RP1L1: variants seen among roughly 807,000 people sequenced by gnomAD.
RP1L1 encodes the protein retinitis pigmentosa 1-like 1 protein.
A neutral mutation model predicts 15.7 loss-of-function variants in RP1L1; 27 were observed. The ratio of observed to expected loss-of-function variants is 1.72; its 90% CI spans 1.27 to 2.38. The LOEUF (loss-of-function observed/expected upper bound fraction) is 2.38, where lower values mean the gene tolerates loss of function less well. RP1L1 is among the 30% of genes most tolerant of loss of function. RP1L1 has a pLI of 0.00. For missense variants in RP1L1, 4,798 were observed against 3,075.9 expected, an observed-to-expected ratio of 1.56 and a Z score of -13.24; for synonymous variants, 1,813 against 1,276.7, an observed-to-expected ratio of 1.42 and a Z score of -8.96.
rs867863562 is a variant in RP1L1 at position 10,612,662 on chromosome 8, C to T, written c.1436G>A (p.Gly479Glu). ...SSCCPRTPED[G>E]VDSASPSAQI... ...GGCAGAGGGGCTGGCACTGTCCACC[C>T]CGTCCTCCGGGGTCCTGGGGCAGCA... Residue 479 changes from glycine (G) to glutamate (E), a missense_variant, in exon 4 of 4, where the codon GGG (glycine) becomes GAG (glutamate). Gly to Glu is a moderately conservative substitution (Grantham distance 98, BLOSUM62 -2). Transcript: ENST00000382483. 5 of 1,601,410 alleles carry T rather than the reference C, an allele frequency of 3.1e-6. No individual in the cohort carries two copies. Among genetic ancestry groups the T allele is most frequent in the Non-Finnish European group, 4.2e-6 (5 of 1,178,034 alleles).
intron 1 of RP1L1, among the ~76,000 whole-genome samples, chr8:10,624,621 A>G (rs1798127740): frequency 6.6e-6 from 1 of 151,526 alleles, no homozygotes; most frequent in South Asian, 2.1e-4. Context: ...CTGGGAGGAG[A>G]AGGTTGGAGG....
At chr8:10,643,673 G>C (rs1798437387) in intron 1 of RP1L1, among the ~76,000 whole-genome samples, 1 of 152,026 alleles carries the variant, frequency 6.6e-6, no homozygotes, top group Admixed American at 6.6e-5. Context: ...TTCCTGCCTG[G>C]GAGATGAAAG....
rs1190592357 is a variant in RP1L1, at chr8:10,611,431, C to A, written c.2667G>T (p.Gln889His). The change falls in exon 4 of 4, where the codon CAG (glutamine) becomes CAT (histidine). Residue 889 changes from glutamine (Q) to histidine (H), a missense_variant. Coordinates refer to ENST00000382483, the MANE Select transcript of RP1L1 (RefSeq NM_178857.6). ...STARGPGGSPQEGTRQPGPTP... is the reference protein window; with the variant it reads ...STARGPGGSPHEGTRQPGPTP... ...TGGGGCCTGGCTGGCGTGTCCCCTC[C>A]TGCGGGCTCCCACCTGGCCCCCGGG... 6.3e-7 allele frequency: 1 copy of A among 1,578,506 alleles called. No homozygotes were observed. Among genetic ancestry groups the A allele is most frequent in the Admixed American group, 1.8e-5 (1 of 54,704 alleles).
rs748701232 is a variant in RP1L1 at position 10,609,127 on chromosome 8, A to C, written c.4971T>G (p.Cys1657Trp). 20 of 1,613,378 alleles carry C rather than the reference A, an allele frequency of 1.2e-5. No homozygotes were observed. The highest frequency in any genetic ancestry group is 1.6e-5 in the Non-Finnish European group (19 of 1,179,746). Residue 1657 changes from cysteine to tryptophan, a missense_variant, in exon 4 of 4, where the codon TGT becomes TGG. By Grantham distance (215) the Cys-to-Trp change is radical. Coordinates refer to ENST00000382483, the MANE Select transcript of RP1L1 (RefSeq NM_178857.6). Reference sequence around the variant, plus strand: ...TCTTCCTCACGCAGGCCTCGCAGGGACAGAACTCCTCCCCCTCCGCCTCCT... The same window carrying C: ...TCTTCCTCACGCAGGCCTCGCAGGGCCAGAACTCCTCCCCCTCCGCCTCCT... Reference protein sequence around the residue: ...LGEEAEGEEFCPCEACVRKKV... With the variant: ...LGEEAEGEEFWPCEACVRKKV...
At chr8:10,629,630 C>G (rs555759698) in intron 1 of RP1L1, among the ~76,000 whole-genome samples, 1 of 152,222 alleles carries the variant, frequency 6.6e-6, no homozygotes, top group South Asian at 2.1e-4. Context: ...GCAACAGAGA[C>G]CCTCCCCATA....
At chr8:10,625,803 G>A (rs901253224) in intron 1 of RP1L1, among the ~76,000 whole-genome samples, 11 of 152,122 alleles carry the variant, frequency 7.2e-5, no homozygotes, top group East Asian at 3.9e-4. Flanking sequence ...CACAGAGACC[G>A]AGGGATCCAC....
At chr8:10,644,036 G>A (rs566805402) in intron 1 of RP1L1, among the ~76,000 whole-genome samples, 45 of 152,140 alleles carry the variant, frequency 3.0e-4, no homozygotes, top group Middle Eastern at 3.4e-3. Context: ...TGTATTGCCC[G>A]GGAGTGGTTT....
intron 1 of RP1L1, 96 bp from the exon 2 acceptor site, chr8:10,623,316 C>T: frequency 3.3e-6 from 3 of 905,930 alleles, no homozygotes; most frequent in Admixed American, 2.8e-5. Context: ...CCTGCCCACC[C>T]CAAATGTGCT....
intron 2 of RP1L1, 79 bp from the exon 3 acceptor site, chr8:10,616,666 C>G: frequency 2.0e-6 from 3 of 1,470,116 alleles, no homozygotes; most frequent in Non-Finnish European, 2.7e-6. Flanking sequence ...AGGAAGGATC[C>G]AGTCTCACCA....
chr8:10,634,709 C>T (rs146815858), intron 1 of RP1L1, among the ~76,000 whole-genome samples: 52 of 152,292 alleles, frequency 3.4e-4, no homozygotes, highest in African/African-American at 1.1e-3. Flanking sequence ...GGGACAGCTG[C>T]TGCAGTGGCT....
chr8:10,642,051 G>A (rs1798414964), intron 1 of RP1L1, among the ~76,000 whole-genome samples: 1 of 152,120 alleles, frequency 6.6e-6, no homozygotes. Flanking sequence ...TGGTGATATT[G>A]TACTATAGTT....
chr8:10,608,104 T>C lies in RP1L1; in HGVS notation c.5994A>G (p.Glu1998=). The C allele has an allele frequency of 6.2e-7, 1 of 1,610,902 alleles. No individual in the cohort carries two copies. The highest frequency in any genetic ancestry group is 1.1e-5 in the South Asian group (1 of 90,858). The part of the protein sequence containing the change: ...EAEGEAQPES[E]DVEAPEAEGE... ...CTTCAGCCTCTGGGGCCTCTACATC[T>C]TCTGACTCTGGCTGGGCCTCCCCTT... is the stretch of plus-strand genomic sequence containing the variant. The change falls in exon 4 of 4, where the codon GAA becomes GAG. Residue 1998 remains glutamate, a synonymous_variant. Transcript: ENST00000382483.
Position 10,608,397 on chromosome 8 carries a change from G to A in RP1L1, c.5701C>T (p.Pro1901Ser), listed in dbSNP as rs772985558. Residue 1901 changes from proline (P) to serine (S), a missense_variant, in exon 4 of 4, where the codon CCA (proline) becomes TCA (serine). Pro to Ser is a moderately conservative substitution (Grantham distance 74). Transcript: ENST00000382483. ...ETPEAEWEVQ[P>S]ESEGAEAPEA... Reference sequence around the variant, plus strand: ...GGGGCTTCTGCACCTTCTGACTCTGGCTGGACCTCCCATTCTGCCTCTGGG... The same window carrying A: ...GGGGCTTCTGCACCTTCTGACTCTGACTGGACCTCCCATTCTGCCTCTGGG... 6.2e-7 allele frequency: 1 copy of A among 1,604,756 alleles called. No homozygotes were observed.
At chr8:10,650,331 G>A (rs1195566751) in intron 1 of RP1L1, among the ~76,000 whole-genome samples, 1 of 152,178 alleles carries the variant, frequency 6.6e-6, no homozygotes, top group African/African-American at 2.4e-5. Context: ...CCCATAGGCA[G>A]AAGCATCCTA....
At chr8:10,617,701 T>C (rs1197784158) in intron 2 of RP1L1, among the ~76,000 whole-genome samples, 1 of 151,688 alleles carries the variant, frequency 6.6e-6, no homozygotes, top group Non-Finnish European at 1.5e-5. Context: ...GGACTACAGG[T>C]GCCCGCCACC....
chr8:10,638,635 A>C (rs193044873), intron 1 of RP1L1, among the ~76,000 whole-genome samples: 1 of 152,236 alleles, frequency 6.6e-6, no homozygotes, highest in Admixed American at 6.5e-5. Context: ...TAGTCACTTG[A>C]TCTACTTGAT....
In RP1L1 at chr8:10,610,529, G is replaced by A. The variant is rs200415537; in HGVS notation, c.3569C>T (p.Thr1190Met). The change falls in exon 4 of 4, where the codon ACG (threonine) becomes ATG (methionine). Residue 1190 changes from threonine to methionine, a missense_variant. Physicochemically the swap from Thr to Met is moderately conservative, Grantham distance 81 (BLOSUM62 -1). Coordinates refer to ENST00000382483, the MANE Select transcript of RP1L1 (RefSeq NM_178857.6). Reference protein sequence around the residue: ...ALPDLGSHAMTENFTPTSSSG... With the variant: ...ALPDLGSHAMMENFTPTSSSG... ...GGAGGATGTGGGCGTGAAGTTCTCC[G>A]TCATGGCATGGGACCCAAGGTCTGG... 1.6e-4 allele frequency: 258 copies of A among 1,613,632 alleles called. No homozygotes were observed. The highest frequency in any genetic ancestry group is 2.2e-4 in the Admixed American group (13 of 60,006).
chr8:10,610,709 T>C lies in RP1L1; in HGVS notation c.3389A>G (p.Glu1130Gly). 1.9e-6 allele frequency: 3 copies of C among 1,613,610 alleles called. No homozygotes were observed. The highest frequency in any genetic ancestry group is 2.5e-6 in the Non-Finnish European group (3 of 1,180,030). Reference protein sequence around the residue: ...TCLASLQLFEEDLGSPASKVR... With the variant: ...TCLASLQLFEGDLGSPASKVR... ...TTTGCTGGCAGGAGACCCAAGGTCT[T>C]CCTCAAATAACTGCAGACTGGCCAG... The change falls in exon 4 of 4, where the codon GAA (glutamate) becomes GGA (glycine). Residue 1130 changes from glutamate (E) to glycine (G), a missense_variant. Glu to Gly is a moderately conservative substitution (Grantham distance 98, BLOSUM62 -2). Transcript: ENST00000382483.
At chr8:10,647,128 G>A (rs1342333257) in intron 1 of RP1L1, among the ~76,000 whole-genome samples, 3 of 152,176 alleles carry the variant, frequency 2.0e-5, no homozygotes, top group East Asian at 1.9e-4. Context: ...AAGTGGCTGC[G>A]TTTCCACTGA....
Sources: gnomAD v4.1 joint callset for allele counts (sites outside exome capture counted in the v4.1 genomes callset) on GRCh38, gnomAD v4.1.1 for gene constraint, MANE v1.5 for transcripts, NCBI Gene and HGNC (gene_info 2026-07-23, HGNC 2026-07-21) for gene names.